Variants in DBNL observed in about 807,000 individuals in gnomAD.
DBNL encodes drebrin-like protein.
In DBNL, 35 loss-of-function variants were observed where a neutral mutation model predicts 62.2. That is an observed-to-expected ratio of 0.56 (90% CI 0.43 to 0.75). DBNL has a LOEUF of 0.75. DBNL is among the 30% of genes least tolerant of loss of function. The probability of loss-of-function intolerance (pLI) is 0.00; values close to 1 mark genes in which losing one functional copy is unlikely to be tolerated. For synonymous variants in DBNL, 197 were observed against 218.0 expected, an observed-to-expected ratio of 0.90 and a Z score of 0.85; for missense variants, 495 against 578.4, an observed-to-expected ratio of 0.86 and a Z score of 1.48.
intron 4 of DBNL, among the ~76,000 whole-genome samples, chr7:44,056,005 G>T (rs1326624637): frequency 6.6e-6 from 1 of 152,082 alleles, no homozygotes; most frequent in Non-Finnish European, 1.5e-5. Context: ...ATGTCCAGGG[G>T]CATCTACCCA....
chr7:44,056,888 A>G lies in DBNL; in HGVS notation c.459A>G (p.Gly153=). The G allele has an allele frequency of 6.2e-7, 1 of 1,613,736 alleles. No homozygotes were observed. Among genetic ancestry groups the G allele is most frequent in the Non-Finnish European group, 8.5e-7 (1 of 1,179,966 alleles). ...HKESGRFQDV[G]PQAPVGSVYQ... ...AGAGTGGCCGCTTCCAGGACGTGGG[A>G]CCCCAGGCCCCAGTGGTGAGTGCTG... The change falls in exon 5 of 13, where the codon GGA becomes GGG. Residue 153 remains glycine (G), a synonymous_variant. Coordinates refer to ENST00000448521, the MANE Select transcript of DBNL (RefSeq NM_001014436.3).
In DBNL at chr7:44,060,051, C is replaced by G. The variant is rs1173506448; in HGVS notation, c.1051C>G (p.Gln351Glu). 6.2e-7 allele frequency: 1 copy of G among 1,612,802 alleles called. No homozygotes were observed. The highest frequency in any genetic ancestry group is 8.5e-7 in the Non-Finnish European group (1 of 1,179,306). ...CACCTTTGTCATCCCTGGGCAGGTG[C>G]AGCAGCAAGGTGCTGGCTCTGAGCA... ...ETFYEQPPLV[Q>E]QQGAGSEHID... The change falls in exon 12 of 13, where the codon CAG becomes GAG. Residue 351 changes from glutamine to glutamate, a missense_variant. Gln to Glu is a conservative substitution (Grantham distance 29, BLOSUM62 2). Coordinates refer to ENST00000448521, the MANE Select transcript of DBNL (RefSeq NM_001014436.3). The surrounding 1 kb of genome is among the most constrained non-coding windows in gnomAD (Gnocchi z 6.3).
In DBNL at chr7:44,065,852, T is replaced by C; in HGVS notation, c.*4936T>C. On this transcript the variant is annotated 3_prime_UTR_variant, in exon 13 of 13. Coordinates refer to ENST00000448521, the MANE Select transcript of DBNL (RefSeq NM_001014436.3). ...GGGATGGGCGTGAAGGGCAGAAGTC[T>C]GGGCCAGGGGAGATGGGGATAGCAG... 1 of 475,256 alleles carries C rather than the reference T, an allele frequency of 2.1e-6. No individual in the cohort carries two copies. Among genetic ancestry groups the C allele is most frequent in the Non-Finnish European group, 3.9e-6 (1 of 257,470 alleles). The allele number at this position is 475,256 out of a possible 1,614,324, so 29.4% of individuals were successfully genotyped here.
chr7:44,062,783 G>A lies in DBNL; in HGVS notation c.*1867G>A, dbSNP rs545672711. ...CACCCCTCACTTGGCCTTGCCCTGG[G>A]CAGCCACAGCCTCCATGGCCTTCCG... On this transcript the variant is annotated 3_prime_UTR_variant, in exon 13 of 13. Coordinates refer to ENST00000448521, the MANE Select transcript of DBNL (RefSeq NM_001014436.3). The A allele has an allele frequency of 6.2e-7, 1 of 1,614,162 alleles. No homozygotes were observed. Among genetic ancestry groups the A allele is most frequent in the Non-Finnish European group, 8.5e-7 (1 of 1,180,032 alleles).
In DBNL at chr7:44,059,398, G is replaced by C. The variant is rs772372841; in HGVS notation, c.880G>C (p.Glu294Gln). The change falls in exon 10 of 13, where the codon GAG becomes CAG. Residue 294 changes from glutamate to glutamine, a missense_variant. By Grantham distance (29) the Glu-to-Gln change is conservative (BLOSUM62 2). Transcript: ENST00000448521. The surrounding 1 kb of genome is among the most constrained non-coding windows in gnomAD (Gnocchi z 4.1). ...CCTGCAGAAGCAGCTCACCCAACCAGAGACCCACTTTGGCAGAGAGCCAGC... is the reference window on the plus strand; with the variant it reads ...CCTGCAGAAGCAGCTCACCCAACCACAGACCCACTTTGGCAGAGAGCCAGC... ...PFLQKQLTQP[E>Q]THFGREPAAA... 3.1e-6 allele frequency: 5 copies of C among 1,614,134 alleles called. No homozygotes were observed. The East Asian group carries it at 1.1e-4, about 36-fold the overall frequency.
intron 4 of DBNL, among the ~76,000 whole-genome samples, chr7:44,053,939 G>A (rs186263338): frequency 3.3e-5 from 5 of 152,182 alleles, no homozygotes; most frequent in Admixed American, 3.3e-4. Flanking sequence ...GCCTCCCAAA[G>A]TGCTAGGATT....
Position 44,064,032 on chromosome 7 carries a change from ACG to A in DBNL, c.*3117_*3118del, listed in dbSNP as rs74493919. On this transcript the variant is annotated 3_prime_UTR_variant, in exon 13 of 13. Coordinates refer to ENST00000448521, the MANE Select transcript of DBNL (RefSeq NM_001014436.3). ...TCTGGGTGCTCTGGCCAACTGCCCA[ACG>A]GCCCTAGGAGCAGGAGGTCTGGGGC... 3.9e-5 allele frequency: 6 copies of A among 152,590 alleles called. No homozygotes were observed. In the East Asian group the frequency reaches 1.2e-3, roughly 29 times the overall value. 9.5% of individuals were successfully genotyped at this position (152,590 alleles called of 1,614,324 possible).
rs2096165033 is a variant in DBNL, at chr7:44,069,326, G to A, written c.*8410G>A. The A allele has an allele frequency of 6.6e-6, 1 of 152,214 alleles. No homozygotes were observed. The highest frequency in any genetic ancestry group is 6.5e-5 in the Admixed American group (1 of 15,284). The allele number at this position is 152,214 out of a possible 1,614,324, so 9.4% of individuals were successfully genotyped here. On this transcript the variant is annotated 3_prime_UTR_variant, in exon 13 of 13. Transcript: ENST00000448521. ...GATGGAGGCTTCAGTGTATACAGAT[G>A]TAAGACAACTAGAACATGAGGGGAG...
chr7:44,056,888 A>AC lies in DBNL; in HGVS notation c.463dup (p.Gln155ProfsTer16). ...AGAGTGGCCGCTTCCAGGACGTGGG[A>AC]CCCCAGGCCCCAGTGGTGAGTGCTG... On this transcript the variant is annotated frameshift_variant, in exon 5 of 13. Coordinates refer to ENST00000448521, the MANE Select transcript of DBNL (RefSeq NM_001014436.3). LOFTEE classifies it high-confidence loss of function. 6.2e-7 allele frequency: 1 copy of AC among 1,613,736 alleles called. No individual in the cohort carries two copies. The highest frequency in any genetic ancestry group is 8.5e-7 in the Non-Finnish European group (1 of 1,179,966).
At position 44,056,945 on chromosome 7, in the gene DBNL, G is replaced by T. The variant is rs377673055; in HGVS notation, c.474+42G>T. The T allele has an allele frequency of 3.1e-5, 50 of 1,610,546 alleles. No homozygotes were observed. The South Asian group carries it at 5.3e-4, about 17-fold the overall frequency. ...CATCGCCAGCCCTTTTGTTGCTCAG[G>T]GCCTGAGGCAGGGGGCCAGGAATAT... On this transcript the variant is annotated intron_variant, in intron 5 of 12. Coordinates refer to ENST00000448521, the MANE Select transcript of DBNL (RefSeq NM_001014436.3).
chr7:44,060,194 T>C lies in DBNL; in HGVS notation c.1153+41T>C. On this transcript the variant is annotated intron_variant, in intron 12 of 12. Transcript: ENST00000448521. This position sits in a 1 kb window ranked among gnomAD's most constrained non-coding sequence, Gnocchi z 6.3. The stretch of plus-strand genomic sequence containing the variant: ...CTGGCTGGCACAGACCACAGGGTCC[T>C]GAGGTTAGGAGACAAGAGGGTCTGG... 1 of 1,561,998 alleles carries C rather than the reference T, an allele frequency of 6.4e-7. No individual in the cohort carries two copies. Among genetic ancestry groups the C allele is most frequent in the Non-Finnish European group, 8.8e-7 (1 of 1,138,388 alleles).
chr7:44,048,384 C>A (rs1201237257), intron 1 of DBNL, among the ~76,000 whole-genome samples: 2 of 152,332 alleles, frequency 1.3e-5, no homozygotes, highest in South Asian at 4.1e-4. Context: ...CCTCCCAAAT[C>A]TTTCTCTTGT....
chr7:44,065,019 G>T lies in DBNL; in HGVS notation c.*4103G>T. On this transcript the variant is annotated 3_prime_UTR_variant, in exon 13 of 13. Transcript: ENST00000448521. ...GGCCTGCGTACCGACGCTCCTGGGG[G>T]ACACAGGCACGCTGCTTTCCCTCCC... 2 of 1,606,590 alleles carry T rather than the reference G, an allele frequency of 1.2e-6. No individual in the cohort carries two copies. The highest frequency in any genetic ancestry group is 1.1e-5 in the South Asian group (1 of 90,880).
At chr7:44,045,543 G>C (rs1316367830) in intron 1 of DBNL, among the ~76,000 whole-genome samples, 8 of 152,210 alleles carry the variant, frequency 5.3e-5, no homozygotes, top group Admixed American at 5.2e-4. Context: ...GACCAGTTTT[G>C]AGAAATCCCA....
chr7:44,047,994 G>A (rs1184055915), intron 1 of DBNL, among the ~76,000 whole-genome samples: 1 of 140,518 alleles, frequency 7.1e-6, no homozygotes, highest in African/African-American at 2.7e-5. Context: ...TTGGCTCACT[G>A]CAACCTCTGC....
At chr7:44,054,245 C>T (rs6964870) in intron 4 of DBNL, among the ~76,000 whole-genome samples, 40,853 of 151,900 alleles carry the variant, frequency 0.27, 5,689 homozygotes, top group African/African-American at 0.33. Context: ...CAGGCTGGAA[C>T]GCAGTGGCAC....
Position 44,065,199 on chromosome 7 carries a change from G to A in DBNL, c.*4283G>A, listed in dbSNP as rs764676548. 1.1e-5 allele frequency: 17 copies of A among 1,614,054 alleles called. No individual in the cohort carries two copies. The highest frequency in any genetic ancestry group is 1.4e-5 in the Non-Finnish European group (16 of 1,180,034). ...AAGGAGCGCCTCCAGATCTTCACCTGCTCCTCCCCGTGCTTGGCGGCCGTT... is the reference window on the plus strand; with the variant it reads ...AAGGAGCGCCTCCAGATCTTCACCTACTCCTCCCCGTGCTTGGCGGCCGTT... On this transcript the variant is annotated 3_prime_UTR_variant, in exon 13 of 13. Coordinates refer to ENST00000448521, the MANE Select transcript of DBNL (RefSeq NM_001014436.3).
intron 4 of DBNL, among the ~76,000 whole-genome samples, chr7:44,053,909 CT>C (rs2096131210): frequency 6.6e-6 from 1 of 152,134 alleles, no homozygotes; most frequent in South Asian, 2.1e-4. Context: ...ATCTCCTGAC[CT>C]CGTGATTTGC....
In DBNL at chr7:44,064,809, CAG is replaced by C; in HGVS notation, c.*3894_*3895del. Reference sequence around the variant, plus strand: ...GGGGCTGCTGCCCACCCACCCTGCCCAGGCTCCTGAAGGTGGCCTCACCTTCC... The same window carrying C: ...GGGGCTGCTGCCCACCCACCCTGCCCGCTCCTGAAGGTGGCCTCACCTTCC... On this transcript the variant is annotated 3_prime_UTR_variant, in exon 13 of 13. Transcript: ENST00000448521. 5.1e-6 allele frequency: 8 copies of C among 1,556,646 alleles called. No homozygotes were observed. The highest frequency in any genetic ancestry group is 2.3e-5 in the East Asian group (1 of 43,676).
Sources: gnomAD v4.1 joint callset for allele counts (sites outside exome capture counted in the v4.1 genomes callset) on GRCh38, gnomAD v4.1.1 for gene constraint, Gnocchi (gnomAD v3.1) non-coding constraint, MANE v1.5 for transcripts, NCBI Gene and HGNC (gene_info 2026-07-23, HGNC 2026-07-21) for gene names.